The following KCNN2 variants were observed in gnomAD, a reference collection of about 807,000 sequenced individuals.
The protein encoded by KCNN2 is potassium calcium-activated channel subfamily N member 2, also known as small conductance calcium-activated potassium channel protein 2.
Under a neutral mutation model 55.5 loss-of-function variants are expected in KCNN2, and 24 were observed. The ratio of observed to expected loss-of-function variants is 0.43; its 90% CI spans 0.31 to 0.61. The LOEUF (loss-of-function observed/expected upper bound fraction) is 0.61. Ranked by LOEUF, KCNN2 falls within the 20% of genes least tolerant of loss-of-function variation. KCNN2 has a pLI of 0.08. For synonymous variants in KCNN2, 431 were observed against 336.1 expected (o/e 1.28, Z -3.09); for missense variants, 754 against 853.6 (o/e 0.88, Z 1.45).
intron 3 of KCNN2, among the ~76,000 whole-genome samples, chr5:114,448,991 G>A (rs1043833201): frequency 1.3e-5 from 2 of 152,120 alleles, no homozygotes; most frequent in African/African-American, 2.4e-5. Context: ...AGAGATGTAC[G>A]TCCTCCCTCG....
rs1751054633 is a variant in KCNN2, at chr5:114,088,106, T to C, written c.-271+31606T>C. On this transcript the variant is annotated intron_variant, in intron 1 of 10. Coordinates refer to the KCNN2 transcript ENST00000512097. ...TTTATTTTTTTCAGGAAAAGAATCA[T>C]ATTTCACCTTCATTTTTGAAGGATA... 3.9e-5 allele frequency among the ~76,000 whole-genome samples: 6 copies of C among 152,234 alleles called. No homozygotes were observed. The South Asian group carries it at 1.2e-3, about 32-fold the overall frequency.
intron 1 of KCNN2, among the ~76,000 whole-genome samples, chr5:114,110,373 C>G (rs2112581967): frequency 6.6e-6 from 1 of 152,042 alleles, no homozygotes; most frequent in African/African-American, 2.4e-5. Context: ...ACTAAGGTAC[C>G]AGGTGAAGAC....
chr5:114,278,775 A>T (rs1266150418), intron 2 of KCNN2, among the ~76,000 whole-genome samples: 2 of 152,168 alleles, frequency 1.3e-5, no homozygotes, highest in South Asian at 4.1e-4. Flanking sequence ...ACAGTCACTC[A>T]CAGCTTCCTT....
In KCNN2 at chr5:114,315,421, CTGTGTGTGTGTGTGTGTG is replaced by C. The variant is rs34000645; in HGVS notation, c.-184-45496_-184-45479del. Among the ~76,000 whole-genome samples, 21 of 143,004 alleles carry C rather than the reference CTGTGTGTGTGTGTGTGTG, an allele frequency of 1.5e-4. No individual in the cohort carries two copies. The South Asian group carries it at 4.9e-3, about 33-fold the overall frequency. The allele number at this position is 143,004 out of a possible 152,430, so 93.8% of individuals were successfully genotyped here. ...GTGTACCACCCATGGAAGGCAGAAA[CTGTGTGTGTGTGTGTGTG>C]TGTGTGTGTGTGTGTGTGTGTGTGT... On this transcript the variant is annotated intron_variant, in intron 2 of 10. Transcript: ENST00000512097.
intron 2 of KCNN2, among the ~76,000 whole-genome samples, chr5:114,336,091 T>A (rs1205583437): frequency 6.6e-6 from 1 of 152,232 alleles, no homozygotes; most frequent in African/African-American, 2.4e-5. Context: ...AGCTAAAAGA[T>A]GGTCATAACT....
At chr5:114,257,370 A>AT (rs200069548) in intron 2 of KCNN2, among the ~76,000 whole-genome samples, 1,661 of 149,118 alleles carry the variant, frequency 0.011, 41 homozygotes, top group East Asian at 0.1. Flanking sequence ...GAATTTTAGG[A>AT]TTTTTTTTTT....
intron 1 of KCNN2, among the ~76,000 whole-genome samples, chr5:114,192,735 T>C (rs1355224353): frequency 6.6e-6 from 1 of 152,114 alleles, no homozygotes; most frequent in Non-Finnish European, 1.5e-5. Flanking sequence ...CCATGAAATG[T>C]AAAGAACTCA....
intron 2 of KCNN2, among the ~76,000 whole-genome samples, chr5:114,301,229 CT>C (rs1756152372): frequency 6.6e-6 from 1 of 152,016 alleles, no homozygotes; most frequent in African/African-American, 2.4e-5. Flanking sequence ...TAACCTTGGA[CT>C]TTTATTTAAT....
intron 3 of KCNN2, among the ~76,000 whole-genome samples, chr5:114,421,862 G>A (rs1362308390): frequency 3.3e-5 from 5 of 152,216 alleles, no homozygotes; most frequent in African/African-American, 7.2e-5. Flanking sequence ...CACCCGCCTC[G>A]GCCTCCCAAA....
intron 7 of KCNN2, among the ~76,000 whole-genome samples, 176 bp from the exon 8 acceptor site, chr5:114,495,719 A>G (rs1308153045): frequency 1.3e-5 from 2 of 152,200 alleles, no homozygotes; most frequent in African/African-American, 2.4e-5. Flanking sequence ...TTCGATTATA[A>G]ATCCTGGCAT....
chr5:114,427,598 G>A (rs1395188101), intron 3 of KCNN2, among the ~76,000 whole-genome samples: 1 of 152,208 alleles, frequency 6.6e-6, no homozygotes, highest in Non-Finnish European at 1.5e-5. Context: ...GGTGATAAAA[G>A]CACTATACAA....
chr5:114,369,772 T>C (rs36950), intron 2 of KCNN2, among the ~76,000 whole-genome samples: 3 of 152,030 alleles, frequency 2.0e-5, no homozygotes, highest in East Asian at 3.9e-4. Context: ...TAAATAAAGC[T>C]ATCCTGGTGT....
chr5:114,329,767 C>A (rs1011094604), intron 2 of KCNN2, among the ~76,000 whole-genome samples: 2 of 152,174 alleles, frequency 1.3e-5, no homozygotes, highest in Non-Finnish European at 2.9e-5. Context: ...CTGACTAATA[C>A]ACCCAGCTCC....
intron 4 of KCNN2, among the ~76,000 whole-genome samples, chr5:114,465,203 T>C (rs1405144434): frequency 6.6e-6 from 1 of 152,222 alleles, no homozygotes; most frequent in African/African-American, 2.4e-5. Context: ...ATTTTCTTGT[T>C]CCTCGTGTCT....
intron 3 of KCNN2, among the ~76,000 whole-genome samples, chr5:114,446,049 C>T (rs1760393383): frequency 6.6e-6 from 1 of 152,210 alleles, no homozygotes. Flanking sequence ...ATAGACGTTA[C>T]TGGCCTCCTC....
At chr5:114,158,223 A>G (rs1335541465) in intron 1 of KCNN2, among the ~76,000 whole-genome samples, 3 of 152,006 alleles carry the variant, frequency 2.0e-5, no homozygotes, top group African/African-American at 7.3e-5. Flanking sequence ...TCTACATATG[A>G]CTAGCCAGTT....
At chr5:114,110,945 G>GA (rs1561480148) in intron 1 of KCNN2, among the ~76,000 whole-genome samples, 1 of 151,450 alleles carries the variant, frequency 6.6e-6, no homozygotes, top group Non-Finnish European at 1.5e-5. Context: ...CTCAGAATTG[G>GA]AAAAAACTAC....
chr5:114,265,819 G>A lies in KCNN2; in HGVS notation c.-185+44254G>A, dbSNP rs531421984. Among the ~76,000 whole-genome samples the A allele has an allele frequency of 3.8e-3, 580 of 152,250 alleles. 4 individuals carry two copies. The highest frequency in any genetic ancestry group is 0.015 in the South Asian group (71 of 4,820). On this transcript the variant is annotated intron_variant, in intron 2 of 10. Coordinates refer to the KCNN2 transcript ENST00000512097. Reference sequence around the variant, plus strand: ...ATGTGTTATATAGTTCTTAGGCAGGGAACACTGGTGTTTGTTGACTACTCA... The same window carrying A: ...ATGTGTTATATAGTTCTTAGGCAGGAAACACTGGTGTTTGTTGACTACTCA...
At chr5:114,363,833 C>T in intron 1 of KCNN2, 73 bp from the exon 2 acceptor site, 1 of 1,054,530 alleles carries the variant, frequency 9.5e-7, no homozygotes, top group Admixed American at 1.7e-5. Flanking sequence ...GGGGGACTGA[C>T]TGACTCTGGG....
Sources: allele counts gnomAD v4.1 joint callset (sites outside exome capture counted in the v4.1 genomes callset), GRCh38; gene constraint gnomAD v4.1.1; transcripts MANE v1.5; gene names NCBI Gene and HGNC (gene_info 2026-07-23, HGNC 2026-07-21).